Variants in ROCK1 observed in about 807,000 individuals in gnomAD.
ROCK1 encodes rho-associated protein kinase 1.
Under a neutral mutation model 196.8 loss-of-function variants are expected in ROCK1, and 36 were observed. The ratio of observed to expected loss-of-function variants is 0.18; its 90% confidence interval spans 0.14 to 0.24. The LOEUF is 0.24. ROCK1 is among the 10% of genes least tolerant of loss of function. The probability of loss-of-function intolerance (pLI) is 1.00; values close to 1 mark genes in which losing one functional copy is unlikely to be tolerated. For missense variants in ROCK1, 920 were observed against 1,562.0 expected, an observed-to-expected ratio of 0.59 and a Z score of 6.93; for synonymous variants, 443 against 515.9, an observed-to-expected ratio of 0.86 and a Z score of 1.91.
chr18:21,097,450 T>A (rs534487551), intron 1 of ROCK1, among the ~76,000 whole-genome samples: 1 of 152,362 alleles, frequency 6.6e-6, no homozygotes, highest in Admixed American at 6.5e-5. Context: ...CTACTAATAC[T>A]TGTATGTAAC....
At chr18:21,027,313 C>G (rs1210971192) in intron 10 of ROCK1, among the ~76,000 whole-genome samples, 1 of 152,176 alleles carries the variant, frequency 6.6e-6, no homozygotes, top group Non-Finnish European at 1.5e-5. Flanking sequence ...GTGAGCATCT[C>G]AAGAGAAGGC....
At chr18:20,994,928 A>G (rs866668770) in intron 16 of ROCK1, among the ~76,000 whole-genome samples, 1 of 152,230 alleles carries the variant, frequency 6.6e-6, no homozygotes, top group Non-Finnish European at 1.5e-5. Flanking sequence ...CAAAATTTCT[A>G]AAAGCTAATA....
At chr18:20,998,067 C>G (rs1331574758) in intron 16 of ROCK1, among the ~76,000 whole-genome samples, 1 of 152,044 alleles carries the variant, frequency 6.6e-6, no homozygotes, top group South Asian at 2.1e-4. Flanking sequence ...GAACTTCTGA[C>G]CTCAAGTGAT....
At chr18:21,107,821 A>AGCCT (rs2036716107) in intron 1 of ROCK1, among the ~76,000 whole-genome samples, 1 of 152,206 alleles carries the variant, frequency 6.6e-6, no homozygotes, top group South Asian at 2.1e-4. Flanking sequence ...CGGGAGGCCA[A>AGCCT]GGCAGGCGGA....
chr18:21,018,563 C>T (rs1165382372), intron 12 of ROCK1, among the ~76,000 whole-genome samples: 1 of 151,546 alleles, frequency 6.6e-6, no homozygotes, highest in East Asian at 1.9e-4. Flanking sequence ...GATGTAGAGA[C>T]TTCCCAACAT....
chr18:21,093,955 CA>C (rs67567031), intron 1 of ROCK1, among the ~76,000 whole-genome samples: 136,883 of 140,486 alleles, frequency 0.97, 66,694 homozygotes, highest in South Asian at 0.99. Context: ...GACTCAATCT[CA>C]AAAAAAAAAA....
At chr18:21,038,227 A>G (rs1033081269) in intron 9 of ROCK1, among the ~76,000 whole-genome samples, 5 of 152,148 alleles carry the variant, frequency 3.3e-5, no homozygotes, top group African/African-American at 9.7e-5. Context: ...CACTTGCAGC[A>G]TGAAGATAAT....
chr18:20,994,028 G>A (rs1361985070), intron 16 of ROCK1, among the ~76,000 whole-genome samples: 1 of 151,902 alleles, frequency 6.6e-6, no homozygotes, highest in Non-Finnish European at 1.5e-5. Context: ...CATATTTCAG[G>A]GTTTCTAAAG....
At chr18:21,105,038 T>A (rs1426033485) in intron 1 of ROCK1, among the ~76,000 whole-genome samples, 2 of 152,204 alleles carry the variant, frequency 1.3e-5, no homozygotes, top group African/African-American at 4.8e-5. Flanking sequence ...GCACACTGAC[T>A]AGTATATAAC....
intron 9 of ROCK1, among the ~76,000 whole-genome samples, chr18:21,036,710 G>A (rs1238206283): frequency 6.6e-6 from 1 of 152,056 alleles, no homozygotes; most frequent in Non-Finnish European, 1.5e-5. Flanking sequence ...CCAAAGTGCT[G>A]AGATGACAAG....
intron 8 of ROCK1, 43 bp from the exon 9 acceptor site, chr18:21,039,606 T>A: frequency 7.3e-7 from 1 of 1,377,242 alleles, no homozygotes; most frequent in Non-Finnish European, 1.0e-6. Flanking sequence ...TCATTTAAGA[T>A]CTTATTATAA....
At chr18:21,040,841 T>C (rs2036099337) in intron 8 of ROCK1, among the ~76,000 whole-genome samples, 1 of 152,034 alleles carries the variant, frequency 6.6e-6, no homozygotes, top group African/African-American at 2.4e-5. Flanking sequence ...AATGTAAAAA[T>C]TGGCCAGGTG....
At chr18:21,005,713 C>T (rs1341876039) in intron 16 of ROCK1, among the ~76,000 whole-genome samples, 4 of 152,000 alleles carry the variant, frequency 2.6e-5, no homozygotes, top group African/African-American at 7.2e-5. Context: ...CCCGTCTCTA[C>T]AAAAAATGCA....
chr18:21,092,238 T>C (rs2036576628), intron 1 of ROCK1, among the ~76,000 whole-genome samples: 2 of 152,276 alleles, frequency 1.3e-5, no homozygotes, highest in South Asian at 4.1e-4. Flanking sequence ...TTTATTTGGC[T>C]TCTGTATAAA....
intron 6 of ROCK1, among the ~76,000 whole-genome samples, chr18:21,042,992 G>A (rs535820359): frequency 6.6e-6 from 1 of 152,084 alleles, no homozygotes; most frequent in African/African-American, 2.4e-5. Context: ...ACACACACCA[G>A]TGATTATTTT....
At chr18:21,041,926 G>C (rs1436355096) in intron 8 of ROCK1, among the ~76,000 whole-genome samples, 171 bp downstream of exon 8, 1 of 152,066 alleles carries the variant, frequency 6.6e-6, no homozygotes, top group Non-Finnish European at 1.5e-5. Context: ...GGTATGATAA[G>C]TGAGTTGAGA....
intron 29 of ROCK1, among the ~76,000 whole-genome samples, chr18:20,958,850 AAT>A (rs1240589592): frequency 5.2e-5 from 7 of 134,294 alleles, no homozygotes; most frequent in East Asian, 4.0e-4. Flanking sequence ...TTCTATTATT[AAT>A]AGTTATAAAA....
chr18:21,097,432 A>C (rs192339322), intron 1 of ROCK1, among the ~76,000 whole-genome samples: 2 of 152,354 alleles, frequency 1.3e-5, no homozygotes, highest in African/African-American at 4.8e-5. Flanking sequence ...ACAAAGGAAA[A>C]GAATTAACTA....
intron 2 of ROCK1, among the ~76,000 whole-genome samples, chr18:21,069,024 A>ATTTGCC (rs2036361092): frequency 6.6e-6 from 1 of 152,120 alleles, no homozygotes; most frequent in Non-Finnish European, 1.5e-5. Flanking sequence ...GAGAGGACAG[A>ATTTGCC]TTTGCCTTTT....
Sources: gnomAD v4.1 joint callset for allele counts (sites outside exome capture counted in the v4.1 genomes callset) on GRCh38, gnomAD v4.1.1 for gene constraint, MANE v1.5 for transcripts, NCBI Gene and HGNC (gene_info 2026-07-23, HGNC 2026-07-21) for gene names.